Variants in KDM4C observed in about 807,000 individuals in gnomAD.
KDM4C encodes lysine demethylase 4C, also known as lysine-specific demethylase 4C.
In KDM4C, 81 loss-of-function variants were observed where a neutral mutation model predicts 129.3. That is an observed-to-expected ratio of 0.63 (90% CI 0.52 to 0.75). The LOEUF (loss-of-function observed/expected upper bound fraction) is 0.75. Ranked by LOEUF, KDM4C falls within the 30% of genes least tolerant of loss-of-function variation. KDM4C has a pLI of 0.00. For missense variants in KDM4C, 1,457 were observed against 1,304.0 expected (o/e 1.12, Z -1.81); for synonymous variants, 573 against 456.1 (o/e 1.26, Z -3.26).
At chr9:7,068,236 A>G (rs1832711749) in intron 17 of KDM4C, among the ~76,000 whole-genome samples, 1 of 152,198 alleles carries the variant, frequency 6.6e-6, no homozygotes, top group South Asian at 2.1e-4. Context: ...GTTTTATAAA[A>G]ATAATCAACT....
intron 12 of KDM4C, among the ~76,000 whole-genome samples, chr9:6,991,889 A>G (rs1371979129): frequency 1.3e-5 from 2 of 152,164 alleles, no homozygotes; most frequent in Non-Finnish European, 2.9e-5. Context: ...TAAAAATATC[A>G]TGAATGTAGG....
chr9:7,107,431 C>T (rs952987221), intron 18 of KDM4C, among the ~76,000 whole-genome samples: 5 of 152,158 alleles, frequency 3.3e-5, no homozygotes, highest in Non-Finnish European at 7.4e-5. Flanking sequence ...TAGACAGATG[C>T]CCTGTGGAAG....
intron 19 of KDM4C, among the ~76,000 whole-genome samples, chr9:7,141,503 G>C (rs1373072973): frequency 6.6e-6 from 1 of 152,136 alleles, no homozygotes; most frequent in Non-Finnish European, 1.5e-5. Flanking sequence ...ATATTTAGAA[G>C]GTAAAATCAA....
chr9:7,140,515 A>T (rs1383873265), intron 19 of KDM4C, among the ~76,000 whole-genome samples: 2 of 152,174 alleles, frequency 1.3e-5, no homozygotes, highest in African/African-American at 4.8e-5. Context: ...AAAGATGGGG[A>T]AGGCTAATGC....
intron 4 of KDM4C, among the ~76,000 whole-genome samples, chr9:6,816,023 C>G (rs1248448264): frequency 6.6e-6 from 1 of 151,812 alleles, no homozygotes; most frequent in Non-Finnish European, 1.5e-5. Context: ...GTGTATAGAC[C>G]ATATTCAAAT....
chr9:6,993,216 A>G (rs1300631274), intron 12 of KDM4C, among the ~76,000 whole-genome samples: 3 of 152,222 alleles, frequency 2.0e-5, no homozygotes, highest in African/African-American at 7.2e-5. Flanking sequence ...AATAATGATT[A>G]GAATGTATCT....
chr9:6,990,412 C>T lies in KDM4C; in HGVS notation c.1678-4C>T. 6 of 1,585,628 alleles carry T rather than the reference C, an allele frequency of 3.8e-6. No individual in the cohort carries two copies. The highest frequency in any genetic ancestry group is 5.2e-6 in the Non-Finnish European group (6 of 1,157,372). On this transcript the variant is annotated splice_polypyrimidine_tract_variant and splice_region_variant and intron_variant, in intron 11 of 21. Transcript: ENST00000381309. Reference sequence around the variant, plus strand: ...TTTCTCCACCATTTTTGTTCTATAACTAGATAGCAGAGGGAGAGAACAAAA... The same window carrying T: ...TTTCTCCACCATTTTTGTTCTATAATTAGATAGCAGAGGGAGAGAACAAAA...
intron 4 of KDM4C, 31 bp downstream of exon 4, chr9:6,814,776 A>G: frequency 7.4e-7 from 1 of 1,357,182 alleles, no homozygotes; most frequent in Non-Finnish European, 1.0e-6. Context: ...AGTTTTGTAA[A>G]GATCATTGGA....
intron 5 of KDM4C, among the ~76,000 whole-genome samples, chr9:6,868,489 A>G (rs113780301): frequency 3.1e-3 from 470 of 152,234 alleles, no homozygotes; most frequent in South Asian, 0.016. Flanking sequence ...TCACAATACC[A>G]AAACCTGTGG....
intron 4 of KDM4C, among the ~76,000 whole-genome samples, chr9:6,824,920 G>T (rs1016210556): frequency 2.6e-5 from 4 of 151,996 alleles, no homozygotes; most frequent in African/African-American, 9.7e-5. Flanking sequence ...GAGGCGGGTG[G>T]ATCACCTGAG....
intron 8 of KDM4C, among the ~76,000 whole-genome samples, chr9:6,962,266 A>C (rs1039112951): frequency 2.6e-5 from 4 of 152,218 alleles, no homozygotes; most frequent in African/African-American, 9.6e-5. Context: ...TTCCTGTAGC[A>C]GTGTTTAATC....
intron 1 of KDM4C, among the ~76,000 whole-genome samples, chr9:6,769,069 G>T (rs1467240837): frequency 6.6e-6 from 1 of 151,986 alleles, no homozygotes; most frequent in African/African-American, 2.4e-5. Flanking sequence ...CACTACACCT[G>T]GCCTGGAGTT....
intron 5 of KDM4C, among the ~76,000 whole-genome samples, chr9:6,873,086 C>A (rs1192386645): frequency 1.3e-5 from 2 of 152,146 alleles, no homozygotes; most frequent in African/African-American, 4.8e-5. Context: ...ACCACTCCAC[C>A]TCTTGGGTTC....
intron 12 of KDM4C, among the ~76,000 whole-genome samples, chr9:6,995,861 T>A (rs185838585): frequency 1.5e-4 from 23 of 150,368 alleles, no homozygotes; most frequent in Admixed American, 3.3e-4. Flanking sequence ...TTGGTAGAGA[T>A]GGGGTTTCAC....
At chr9:6,948,582 T>C (rs936545267) in intron 8 of KDM4C, among the ~76,000 whole-genome samples, 2 of 149,768 alleles carry the variant, frequency 1.3e-5, no homozygotes, top group African/African-American at 4.9e-5. Context: ...GGTCAGTAGA[T>C]AAACAAGTGA....
intron 19 of KDM4C, among the ~76,000 whole-genome samples, chr9:7,154,294 G>A (rs10119509): frequency 0.52 from 79,664 of 152,072 alleles, 21,374 homozygotes; most frequent in Non-Finnish European, 0.57. Flanking sequence ...GCAGCTGTTG[G>A]CATTTCGCCC....
chr9:6,986,485 A>T lies in KDM4C; in HGVS notation c.1496A>T (p.Lys499Ile), dbSNP rs776705996. 1 of 1,614,178 alleles carries T rather than the reference A, an allele frequency of 6.2e-7. No individual in the cohort carries two copies. Among genetic ancestry groups the T allele is most frequent in the East Asian group, 2.2e-5 (1 of 44,880 alleles). ...PLSSGYEKPEKSDPSELSWPK... is the reference protein window; with the variant it reads ...PLSSGYEKPEISDPSELSWPK... ...TCTAGTGGCTATGAGAAGCCCGAGA[A>T]ATCAGACCCATCCGAGCTTTCATGG... Residue 499 changes from lysine (K) to isoleucine (I), a missense_variant, in exon 11 of 22, where the codon AAA becomes ATA. Physicochemically the swap from Lys to Ile is moderately radical, Grantham distance 102. Coordinates refer to ENST00000381309, the MANE Select transcript of KDM4C (RefSeq NM_015061.6).
intron 17 of KDM4C, among the ~76,000 whole-genome samples, chr9:7,097,747 T>A (rs1836615771): frequency 1.3e-5 from 2 of 152,234 alleles, no homozygotes; most frequent in Non-Finnish European, 2.9e-5. Flanking sequence ...GCTGTAAAGC[T>A]TTTGTTATAG....
chr9:6,979,026 T>G (rs1816288917), intron 8 of KDM4C, among the ~76,000 whole-genome samples: 1 of 152,190 alleles, frequency 6.6e-6, no homozygotes, highest in African/African-American at 2.4e-5. Flanking sequence ...GTTGCAATTG[T>G]AATCATGATC....
Sources: gnomAD v4.1 joint callset for allele counts (sites outside exome capture counted in the v4.1 genomes callset) on GRCh38, gnomAD v4.1.1 for gene constraint, MANE v1.5 for transcripts, NCBI Gene and HGNC (gene_info 2026-07-23, HGNC 2026-07-21) for gene names.